The following STX11 variants were observed in gnomAD, a reference collection of about 807,000 sequenced individuals.
The protein encoded by STX11 is syntaxin 11.
Under a neutral mutation model 19.9 loss-of-function variants are expected in STX11, and 21 were observed. That is an observed-to-expected ratio of 1.06 (90% CI 0.75 to 1.52). The LOEUF (loss-of-function observed/expected upper bound fraction) is 1.52. Among genes scored for constraint, STX11 ranks in the 40% most tolerant of loss-of-function variants. STX11 has a pLI of 0.00. For missense variants in STX11, 438 were observed against 405.9 expected, an observed-to-expected ratio of 1.08 and a Z score of -0.68; for synonymous variants, 193 against 174.4, an observed-to-expected ratio of 1.11 and a Z score of -0.84.
In STX11 at chr6:144,176,825, T is replaced by C. The variant is rs1032590354; in HGVS notation, c.-5-9798T>C. ...TGTCCAGGCATTTTAGAAGAGGATTTCCAACAAAGATAAGTAGATGCCTTT... is the reference window on the plus strand; with the variant it reads ...TGTCCAGGCATTTTAGAAGAGGATTCCCAACAAAGATAAGTAGATGCCTTT... On this transcript the variant is annotated intron_variant, in intron 1 of 1. Coordinates refer to ENST00000367568, the MANE Select transcript of STX11 (RefSeq NM_003764.4). This position sits in a 1 kb window ranked among gnomAD's most constrained non-coding sequence, Gnocchi z 4.1. Among the ~76,000 whole-genome samples, 3 of 152,182 alleles carry C rather than the reference T, an allele frequency of 2.0e-5. No homozygotes were observed. The highest frequency in any genetic ancestry group is 7.2e-5 in the African/African-American group (3 of 41,444).
intron 1 of STX11, among the ~76,000 whole-genome samples, chr6:144,178,317 C>T (rs952240937): frequency 1.3e-5 from 2 of 152,196 alleles, no homozygotes; most frequent in Admixed American, 1.3e-4. Context: ...GGGTTAATAC[C>T]TGCCCATTGC....
Position 144,187,688 on chromosome 6 carries a change from ATTC to A in STX11, c.*201_*203del, listed in dbSNP as rs1802098915. 7.2e-6 allele frequency: 5 copies of A among 696,504 alleles called. No homozygotes were observed. Among genetic ancestry groups the A allele is most frequent in the Non-Finnish European group, 1.2e-5 (5 of 409,530 alleles). 43.1% of individuals were successfully genotyped at this position (696,504 alleles called of 1,614,324 possible). On this transcript the variant is annotated 3_prime_UTR_variant, in exon 2 of 2. Coordinates refer to ENST00000367568, the MANE Select transcript of STX11 (RefSeq NM_003764.4). The surrounding 1 kb of genome is among the most constrained non-coding windows in gnomAD (Gnocchi z 5.6). The stretch of plus-strand genomic sequence containing the variant: ...GATGGTTAGTTGATACCGTCCGATG[ATTC>A]TTCAGTAAAGATAGATTCCCACAAA...
At chr6:144,150,462 C>A, upstream of STX11, 1 of 979,514 alleles carries the variant, frequency 1.0e-6, no homozygotes, top group Non-Finnish European at 1.2e-6. Context: ...GGGGCGGGGC[C>A]TGGTCCCCAG....
chr6:144,161,454 G>C (rs1226676682), intron 1 of STX11, among the ~76,000 whole-genome samples: 1 of 152,004 alleles, frequency 6.6e-6, no homozygotes, highest in Non-Finnish European at 1.5e-5. Flanking sequence ...TGCAACCCCC[G>C]CCTCCCAGGT....
In STX11 at chr6:144,180,950, C is replaced by T. The variant is rs1423804242; in HGVS notation, c.-5-5673C>T. ...ATTCATGTACCTGAGGGTGCCTCAT[C>T]ATAGTAAGCTCAGTCTTCAATTTTA... On this transcript the variant is annotated intron_variant, in intron 1 of 1. Transcript: ENST00000367568. This position sits in a 1 kb window ranked among gnomAD's most constrained non-coding sequence, Gnocchi z 5.3. Among the ~76,000 whole-genome samples, 1 of 152,224 alleles carries T rather than the reference C, an allele frequency of 6.6e-6. No individual in the cohort carries two copies. Among genetic ancestry groups the T allele is most frequent in the East Asian group, 1.9e-4 (1 of 5,202 alleles).
chr6:144,166,994 A>G (rs1437284386), intron 1 of STX11, among the ~76,000 whole-genome samples: 1 of 152,060 alleles, frequency 6.6e-6, no homozygotes, highest in Non-Finnish European at 1.5e-5. Flanking sequence ...TGCATCTCTG[A>G]GGGATGCCCC....
In STX11 at chr6:144,189,578, C is replaced by T. The variant is rs1046658302; in HGVS notation, c.*2087C>T. ...AGCTCTTCCTAATCATTATTTAATACATGAGTGAGTTTAGTAGTGATCATA... is the reference window on the plus strand; with the variant it reads ...AGCTCTTCCTAATCATTATTTAATATATGAGTGAGTTTAGTAGTGATCATA... On this transcript the variant is annotated 3_prime_UTR_variant, in exon 2 of 2. Coordinates refer to ENST00000367568, the MANE Select transcript of STX11 (RefSeq NM_003764.4). Among the ~76,000 whole-genome samples, 2 of 152,196 alleles carry T rather than the reference C, an allele frequency of 1.3e-5. No individual in the cohort carries two copies. Among genetic ancestry groups the T allele is most frequent in the African/African-American group, 4.8e-5 (2 of 41,440 alleles).
chr6:144,177,561 A>G lies in STX11; in HGVS notation c.-5-9062A>G, dbSNP rs1253716176. 1.3e-5 allele frequency among the ~76,000 whole-genome samples: 2 copies of G among 152,200 alleles called. No homozygotes were observed. Among genetic ancestry groups the G allele is most frequent in the African/African-American group, 4.8e-5 (2 of 41,448 alleles). On this transcript the variant is annotated intron_variant, in intron 1 of 1. Coordinates refer to ENST00000367568, the MANE Select transcript of STX11 (RefSeq NM_003764.4). This position sits in a 1 kb window ranked among gnomAD's most constrained non-coding sequence, Gnocchi z 4.4. ...CAGGAGTTTGAGACCAACCTGGCCA[A>G]TATAGTGAAACCCCATCTCTACTAA...
rs1030845886 is a variant in STX11, at chr6:144,177,833, G to A, written c.-5-8790G>A. ...CTGACTGTAAAATTTACATCTCCAA[G>A]TGTCTGTATTCTGTTATTTCAGAGA... On this transcript the variant is annotated intron_variant, in intron 1 of 1. Coordinates refer to ENST00000367568, the MANE Select transcript of STX11 (RefSeq NM_003764.4). This position sits in a 1 kb window ranked among gnomAD's most constrained non-coding sequence, Gnocchi z 4.4. 2.6e-5 allele frequency among the ~76,000 whole-genome samples: 4 copies of A among 152,166 alleles called. No individual in the cohort carries two copies. The highest frequency in any genetic ancestry group is 4.1e-4 in the South Asian group (2 of 4,836).
Position 144,151,192 on chromosome 6 carries a change from C to T in STX11, c.-6+489C>T, listed in dbSNP as rs894293661. 17 of 957,002 alleles carry T rather than the reference C, an allele frequency of 1.8e-5. No homozygotes were observed. Among genetic ancestry groups the T allele is most frequent in the Non-Finnish European group, 1.9e-5 (15 of 804,252 alleles). The allele number at this position is 957,002 out of a possible 1,614,324, so 59.3% of individuals were successfully genotyped here. On this transcript the variant is annotated intron_variant, in intron 1 of 1. Coordinates refer to ENST00000367568, the MANE Select transcript of STX11 (RefSeq NM_003764.4). The surrounding 1 kb of genome is among the most constrained non-coding windows in gnomAD (Gnocchi z 4.6). ...AGGAAAGACGGAGAAATTGATAGAG[C>T]CTTCGAGGAGTCCCTTCGAAGCCCA...
chr6:144,146,199 C>A (rs1022911835), upstream of STX11, among the ~76,000 whole-genome samples: 2 of 152,174 alleles, frequency 1.3e-5, no homozygotes, highest in African/African-American at 4.8e-5. The surrounding 1 kb of genome is among the most constrained non-coding windows in gnomAD (Gnocchi z 4.4). Flanking sequence ...AGGAACGGCA[C>A]TAGCGTGCAG....
the STX11 span, among the ~76,000 whole-genome samples, chr6:144,141,090 G>A: frequency 6.6e-6 from 1 of 152,222 alleles, no homozygotes; most frequent in Non-Finnish European, 1.5e-5. Flanking sequence ...TACCAGAAAT[G>A]AGTATTGAGT....
chr6:144,183,107 T>C lies in STX11; in HGVS notation c.-5-3516T>C, dbSNP rs143417037. 2.0e-5 allele frequency among the ~76,000 whole-genome samples: 3 copies of C among 152,370 alleles called. No homozygotes were observed. Among genetic ancestry groups the C allele is most frequent in the Admixed American group, 2.0e-4 (3 of 15,304 alleles). On this transcript the variant is annotated intron_variant, in intron 1 of 1. Coordinates refer to ENST00000367568, the MANE Select transcript of STX11 (RefSeq NM_003764.4). This position sits in a 1 kb window ranked among gnomAD's most constrained non-coding sequence, Gnocchi z 4.6. ...TTAAATTATGAAATGTGTGTGGACATTATAAAAATTTTGGAAAATACAGAA... is the reference window on the plus strand; with the variant it reads ...TTAAATTATGAAATGTGTGTGGACACTATAAAAATTTTGGAAAATACAGAA...
upstream of STX11, among the ~76,000 whole-genome samples, chr6:144,148,469 T>C (rs555382719): frequency 6.6e-6 from 1 of 152,280 alleles, no homozygotes; most frequent in South Asian, 2.1e-4. Context: ...ATAAACTGTA[T>C]TTTTTAGAAC....
In STX11 at chr6:144,177,195, A is replaced by G. The variant is rs1801798077; in HGVS notation, c.-5-9428A>G. On this transcript the variant is annotated intron_variant, in intron 1 of 1. Transcript: ENST00000367568. This position sits in a 1 kb window ranked among gnomAD's most constrained non-coding sequence, Gnocchi z 4.4. ...TTCATGGAATAGTTACAAAATATAAAGGAATTACTTAAAGGCATATATGTT... is the reference window on the plus strand; with the variant it reads ...TTCATGGAATAGTTACAAAATATAAGGGAATTACTTAAAGGCATATATGTT... 6.6e-6 allele frequency among the ~76,000 whole-genome samples: 1 copy of G among 152,262 alleles called. No individual in the cohort carries two copies. Among genetic ancestry groups the G allele is most frequent in the South Asian group, 2.1e-4 (1 of 4,836 alleles).
Position 144,187,872 on chromosome 6 carries a change from A to G in STX11, c.*381A>G. The G allele has an allele frequency of 2.7e-6, 1 of 366,516 alleles. No homozygotes were observed. The highest frequency in any genetic ancestry group is 5.3e-6 in the Non-Finnish European group (1 of 189,426). 22.7% of individuals were successfully genotyped at this position (366,516 alleles called of 1,614,324 possible). A position where few individuals can be genotyped will look rare whatever the true frequency, so the allele number is the denominator to read the frequency against. The stretch of plus-strand genomic sequence containing the variant: ...AGTCAATTGGGCATCTGCTAATAGA[A>G]TGAACTCATGATGGAAACTTCAGTT... On this transcript the variant is annotated 3_prime_UTR_variant, in exon 2 of 2. Transcript: ENST00000367568. The surrounding 1 kb of genome is among the most constrained non-coding windows in gnomAD (Gnocchi z 5.6).
At position 144,182,224 on chromosome 6, in the gene STX11, G is replaced by T. The variant is rs1801927368; in HGVS notation, c.-5-4399G>T. 6.6e-6 allele frequency among the ~76,000 whole-genome samples: 1 copy of T among 152,150 alleles called. No individual in the cohort carries two copies. Among genetic ancestry groups the T allele is most frequent in the Admixed American group, 6.5e-5 (1 of 15,282 alleles). On this transcript the variant is annotated intron_variant, in intron 1 of 1. Coordinates refer to ENST00000367568, the MANE Select transcript of STX11 (RefSeq NM_003764.4). The surrounding 1 kb of genome is among the most constrained non-coding windows in gnomAD (Gnocchi z 4.8). ...ACTTCTATATTTTTGTATAACTTCA[G>T]TAGTGTATACACTTTTAACCTTTTT... is the stretch of plus-strand genomic sequence containing the variant.
At position 144,177,990 on chromosome 6, in the gene STX11, A is replaced by T. The variant is rs1180720444; in HGVS notation, c.-5-8633A>T. ...AATTTGTGTGGGAAAGAAAGTAGTGATTCTAATGGTGACAGTATTTCCATG... is the reference window on the plus strand; with the variant it reads ...AATTTGTGTGGGAAAGAAAGTAGTGTTTCTAATGGTGACAGTATTTCCATG... On this transcript the variant is annotated intron_variant, in intron 1 of 1. Coordinates refer to ENST00000367568, the MANE Select transcript of STX11 (RefSeq NM_003764.4). The surrounding 1 kb of genome is among the most constrained non-coding windows in gnomAD (Gnocchi z 4.4). Among the ~76,000 whole-genome samples the T allele has an allele frequency of 6.6e-6, 1 of 152,222 alleles. No individual in the cohort carries two copies. The highest frequency in any genetic ancestry group is 1.9e-4 in the East Asian group (1 of 5,196).
intron 1 of STX11, 37 bp from the exon 2 acceptor site, chr6:144,186,586 C>A: frequency 6.2e-7 from 1 of 1,613,230 alleles, no homozygotes; most frequent in Non-Finnish European, 8.5e-7. Flanking sequence ...ATTTGACTCT[C>A]AATAGAGAAA....
Sources: allele counts gnomAD v4.1 joint callset (sites outside exome capture counted in the v4.1 genomes callset), GRCh38; gene constraint gnomAD v4.1.1; non-coding constraint Gnocchi (gnomAD v3.1); transcripts MANE v1.5; gene names NCBI Gene and HGNC (gene_info 2026-07-23, HGNC 2026-07-21).